The following NFIB variants were observed in gnomAD, a reference collection of about 807,000 sequenced individuals.
NFIB encodes the protein nuclear factor I B.
Under a neutral mutation model 61.5 loss-of-function variants are expected in NFIB, and 11 were observed. The observed-to-expected ratio is 0.18, with a 90% CI of 0.11 to 0.30. The LOEUF is 0.30. Among genes scored for constraint, NFIB ranks in the 10% least tolerant of loss-of-function variants. NFIB has a pLI of 1.00. For missense variants in NFIB, 471 were observed against 608.9 expected, an observed-to-expected ratio of 0.77 and a Z score of 2.38; for synonymous variants, 260 against 216.5, an observed-to-expected ratio of 1.20 and a Z score of -1.76.
At chr9:14,207,677 C>CCCCCTCT (rs138269262) in intron 2 of NFIB, among the ~76,000 whole-genome samples, 3,398 of 152,282 alleles carry the variant, frequency 0.022, 116 homozygotes, top group African/African-American at 0.077. Flanking sequence ...ACCACAGGAT[C>CCCCCTCT]AAGTAATCCC....
chr9:14,172,447 GAA>G (rs139248517), intron 3 of NFIB, among the ~76,000 whole-genome samples: 1 of 146,794 alleles, frequency 6.8e-6, no homozygotes, highest in Non-Finnish European at 1.5e-5. Flanking sequence ...GAAAGGAGGG[GAA>G]AAAAATTATA....
chr9:14,238,219 G>C (rs898368826), intron 2 of NFIB, among the ~76,000 whole-genome samples: 13 of 152,142 alleles, frequency 8.5e-5, no homozygotes, highest in African/African-American at 2.9e-4. Flanking sequence ...AAGTGCCTGA[G>C]GCTCAGCTGT....
chr9:14,091,137 C>T (rs1031419109), intron 10 of NFIB, among the ~76,000 whole-genome samples: 3 of 151,660 alleles, frequency 2.0e-5, no homozygotes, highest in African/African-American at 4.8e-5. Flanking sequence ...GAAAATAAAT[C>T]TCAAACATTA....
intron 10 of NFIB, among the ~76,000 whole-genome samples, chr9:14,110,583 A>G (rs1451076902): frequency 6.6e-6 from 1 of 152,112 alleles, no homozygotes; most frequent in African/African-American, 2.4e-5. Flanking sequence ...CTCTAGAAGA[A>G]TGGTCTCTTT....
intron 3 of NFIB, among the ~76,000 whole-genome samples, chr9:14,174,849 A>T (rs1376311663): frequency 6.6e-6 from 1 of 152,048 alleles, no homozygotes; most frequent in Admixed American, 6.6e-5. Context: ...TTGACTTTGA[A>T]CACCATATTC....
At chr9:14,117,399 T>C (rs1376302709) in intron 8 of NFIB, among the ~76,000 whole-genome samples, 2 of 152,196 alleles carry the variant, frequency 1.3e-5, no homozygotes, top group Admixed American at 6.5e-5. Context: ...ATTATACCCA[T>C]GTTGGAATTC....
At chr9:14,516,708 A>C in the NFIB span, among the ~76,000 whole-genome samples, 1 of 152,204 alleles carries the variant, frequency 6.6e-6, no homozygotes, top group African/African-American at 2.4e-5. Flanking sequence ...ATCATCTGTA[A>C]TATAGTCGTA....
intron 1 of NFIB, among the ~76,000 whole-genome samples, chr9:14,373,519 T>C (rs1179588966): frequency 6.6e-6 from 1 of 152,190 alleles, no homozygotes; most frequent in African/African-American, 2.4e-5. Flanking sequence ...TGCCAGGTTT[T>C]TTTTTAAAGG....
chr9:14,115,848 C>A (rs2119081569), intron 9 of NFIB, among the ~76,000 whole-genome samples: 1 of 152,318 alleles, frequency 6.6e-6, no homozygotes, highest in East Asian at 1.9e-4. Flanking sequence ...TACCTAATCT[C>A]TCTTTGGGTG....
At chr9:14,210,380 C>T (rs1446486247) in intron 2 of NFIB, among the ~76,000 whole-genome samples, 1 of 151,400 alleles carries the variant, frequency 6.6e-6, no homozygotes, top group African/African-American at 2.4e-5. Context: ...AAGATTTTTG[C>T]AAAAAATAAT....
intron 2 of NFIB, among the ~76,000 whole-genome samples, chr9:14,296,172 G>C (rs1321346057): frequency 2.0e-5 from 3 of 152,086 alleles, no homozygotes; most frequent in Non-Finnish European, 2.9e-5. Flanking sequence ...TTCACTACTG[G>C]ATAGTCTCCC....
chr9:14,221,853 G>C (rs1368952173), intron 2 of NFIB, among the ~76,000 whole-genome samples: 1 of 152,142 alleles, frequency 6.6e-6, no homozygotes, highest in East Asian at 1.9e-4. Context: ...AGTTGGCAAA[G>C]CTTAGAAACT....
intron 2 of NFIB, among the ~76,000 whole-genome samples, chr9:14,282,155 A>AT (rs1395802246): frequency 6.6e-6 from 1 of 152,150 alleles, no homozygotes; most frequent in Admixed American, 6.5e-5. Context: ...TTGGAGGGCA[A>AT]TTTTTAAATA....
chr9:14,507,686 C>T, the NFIB span, among the ~76,000 whole-genome samples: 15 of 152,152 alleles, frequency 9.9e-5, no homozygotes, highest in South Asian at 8.3e-4. Context: ...TAAATAGCAG[C>T]GCAAGGAACT....
At chr9:14,522,794 C>A in the NFIB span, among the ~76,000 whole-genome samples, 1 of 152,162 alleles carries the variant, frequency 6.6e-6, no homozygotes, top group South Asian at 2.1e-4. Context: ...CTGTCAGCAT[C>A]AGCATTGAAC....
At chr9:14,416,865 G>A in the NFIB span, among the ~76,000 whole-genome samples, 2 of 150,296 alleles carry the variant, frequency 1.3e-5, no homozygotes, top group Non-Finnish European at 2.9e-5. Context: ...TTCATGAGAA[G>A]AGCCCTGTAT....
intron 1 of NFIB, among the ~76,000 whole-genome samples, chr9:14,365,502 G>A (rs1295750379): frequency 6.6e-6 from 1 of 152,152 alleles, no homozygotes; most frequent in East Asian, 1.9e-4. Flanking sequence ...CCTGCCCTGT[G>A]GGATAAGATC....
chr9:14,251,375 A>C (rs1246961354), intron 2 of NFIB, among the ~76,000 whole-genome samples: 1 of 152,176 alleles, frequency 6.6e-6, no homozygotes, highest in African/African-American at 2.4e-5. Flanking sequence ...TTTTAGACAG[A>C]GCTTGTCAGA....
intron 2 of NFIB, among the ~76,000 whole-genome samples, chr9:14,277,685 A>G (rs547468884): frequency 6.6e-6 from 1 of 152,328 alleles, no homozygotes; most frequent in South Asian, 2.1e-4. Context: ...TCCTCTGCAG[A>G]TAGACCTAAA....
Sources: allele counts gnomAD v4.1 joint callset (sites outside exome capture counted in the v4.1 genomes callset), GRCh38; gene constraint gnomAD v4.1.1; transcripts MANE v1.5; gene names NCBI Gene and HGNC (gene_info 2026-07-23, HGNC 2026-07-21).